The following MYO5C variants were observed in gnomAD, a reference collection of about 807,000 sequenced individuals.
MYO5C encodes the protein unconventional myosin-Vc.
Under a neutral mutation model 235.7 loss-of-function variants are expected in MYO5C, and 194 were observed. The ratio of observed to expected loss-of-function variants is 0.82; its 90% confidence interval spans 0.73 to 0.93. The LOEUF is 0.93. Ranked by LOEUF, MYO5C falls within the 40% of genes least tolerant of loss-of-function variation. MYO5C has a pLI of 0.00. For synonymous variants in MYO5C, 707 were observed against 754.8 expected, an observed-to-expected ratio of 0.94 and a Z score of 1.04; for missense variants, 2,038 against 2,127.2, an observed-to-expected ratio of 0.96 and a Z score of 0.82.
intron 1 of MYO5C, among the ~76,000 whole-genome samples, chr15:52,291,529 C>T (rs985375746): frequency 1.3e-5 from 2 of 151,532 alleles, no homozygotes; most frequent in Non-Finnish European, 2.9e-5. Context: ...CTCCCTTTCA[C>T]GGGTCATGTC....
chr15:52,206,992 G>T (rs949138913), intron 36 of MYO5C, among the ~76,000 whole-genome samples: 4 of 152,064 alleles, frequency 2.6e-5, no homozygotes, highest in African/African-American at 7.2e-5. Flanking sequence ...AATTAACCGG[G>T]CATGGTGGCG....
chr15:52,220,099 G>T (rs2035642979), intron 30 of MYO5C, among the ~76,000 whole-genome samples: 1 of 152,184 alleles, frequency 6.6e-6, no homozygotes, highest in African/African-American at 2.4e-5. Flanking sequence ...GCTGTCATGG[G>T]CTGCATGTGG....
intron 36 of MYO5C, 37 bp downstream of exon 36, chr15:52,208,517 G>T: frequency 6.3e-7 from 1 of 1,594,630 alleles, no homozygotes; most frequent in Non-Finnish European, 8.6e-7. Flanking sequence ...TAGACTGGCT[G>T]TCAGCACAAA....
intron 20 of MYO5C, 140 bp downstream of exon 20, chr15:52,241,908 G>C: frequency 1.0e-6 from 1 of 985,652 alleles, no homozygotes; most frequent in Non-Finnish European, 1.5e-6. Context: ...ACAGCACCTG[G>C]AAGAATCTCC....
chr15:52,260,493 C>T (rs894932438), intron 10 of MYO5C, among the ~76,000 whole-genome samples: 11 of 152,212 alleles, frequency 7.2e-5, no homozygotes, highest in Non-Finnish European at 1.6e-4. Context: ...GGTTCTCCCA[C>T]CAGCGGAGCA....
At chr15:52,221,073 A>T in intron 30 of MYO5C, 89 bp downstream of exon 30, 1 of 1,018,486 alleles carries the variant, frequency 9.8e-7, no homozygotes, top group Non-Finnish European at 1.5e-6. Flanking sequence ...ACCAGAGTTT[A>T]AAAGCCCTGA....
chr15:52,224,015 G>A (rs1210264045), intron 28 of MYO5C, among the ~76,000 whole-genome samples: 1 of 152,216 alleles, frequency 6.6e-6, no homozygotes, highest in Non-Finnish European at 1.5e-5. Flanking sequence ...AGACGCAGTG[G>A]CTCACACCTG....
At chr15:52,260,511 C>A (rs1178114104) in intron 10 of MYO5C, among the ~76,000 whole-genome samples, 1 of 152,124 alleles carries the variant, frequency 6.6e-6, no homozygotes, top group Non-Finnish European at 1.5e-5. Flanking sequence ...GCAATTGTGA[C>A]GAAGTTATTG....
At chr15:52,282,107 T>C (rs1049903474) in intron 2 of MYO5C, among the ~76,000 whole-genome samples, 1 of 152,068 alleles carries the variant, frequency 6.6e-6, no homozygotes, top group Non-Finnish European at 1.5e-5. Flanking sequence ...GCAGGGAAGC[T>C]CCTCAATAGC....
chr15:52,234,889 G>A (rs187232497), intron 23 of MYO5C, among the ~76,000 whole-genome samples: 1 of 152,276 alleles, frequency 6.6e-6, no homozygotes, highest in East Asian at 1.9e-4. Context: ...CCCCAGGCCT[G>A]AACCCTCGTG....
intron 13 of MYO5C, among the ~76,000 whole-genome samples, chr15:52,250,612 T>G (rs1239827736): frequency 6.6e-6 from 1 of 152,210 alleles, no homozygotes. Flanking sequence ...TCCAGGTTGC[T>G]GTCCCCTCCC....
chr15:52,286,267 G>A (rs951182711), intron 1 of MYO5C, among the ~76,000 whole-genome samples: 14 of 151,102 alleles, frequency 9.3e-5, no homozygotes, highest in African/African-American at 3.4e-4. Flanking sequence ...TGGGAGGGAG[G>A]TGGGGGTCAG....
At chr15:52,196,283 G>A (rs199858761) in intron 39 of MYO5C, 26 bp downstream of exon 39, 48 of 1,573,148 alleles carry the variant, frequency 3.1e-5, no homozygotes, top group Non-Finnish European at 4.0e-5. Context: ...GGAAGAGCCA[G>A]GGAGACACTA....
intron 38 of MYO5C, among the ~76,000 whole-genome samples, chr15:52,196,942 T>A (rs1208629061): frequency 6.6e-6 from 1 of 152,206 alleles, no homozygotes; most frequent in Non-Finnish European, 1.5e-5. Flanking sequence ...TTAAGAGGCA[T>A]GGGTTTTAGT....
chr15:52,253,204 A>G, intron 12 of MYO5C, 113 bp downstream of exon 12: 1 of 1,080,112 alleles, frequency 9.3e-7, no homozygotes, highest in Non-Finnish European at 1.3e-6. Context: ...TATCCATCCA[A>G]CCAACTGGAT....
intron 8 of MYO5C, among the ~76,000 whole-genome samples, chr15:52,266,603 C>T (rs1191350072): frequency 6.6e-6 from 1 of 152,150 alleles, no homozygotes; most frequent in Non-Finnish European, 1.5e-5. Context: ...CCGAAGGAAT[C>T]CTAGTATTGT....
rs991298074 is a variant in MYO5C at position 52,196,499 on chromosome 15, G to C, written c.4821-16C>G. The C allele has an allele frequency of 2.5e-6, 4 of 1,605,358 alleles. No individual in the cohort carries two copies. In the African/African-American group the frequency reaches 5.4e-5, roughly 22 times the overall value. On this transcript the variant is annotated splice_polypyrimidine_tract_variant and intron_variant, in intron 38 of 40. Coordinates refer to ENST00000261839, the MANE Select transcript of MYO5C (RefSeq NM_018728.4). ...GATATTGCACCTGGAGGGAAAGGCA[G>C]AAGAACAGAGAATACTTTAGGGAAG...
At chr15:52,213,461 C>A in intron 33 of MYO5C, 175 bp from the exon 34 acceptor site, 1 of 560,136 alleles carries the variant, frequency 1.8e-6, no homozygotes, top group South Asian at 2.1e-5. Context: ...GTAGTGATTC[C>A]TCTTTATGAG....
At chr15:52,244,268 T>C in intron 19 of MYO5C, 88 bp downstream of exon 19, 1 of 1,333,670 alleles carries the variant, frequency 7.5e-7, no homozygotes, top group East Asian at 2.3e-5. Context: ...AGGAGAAAGG[T>C]CCCTTGTCCT....
Sources: gnomAD v4.1 joint callset for allele counts (sites outside exome capture counted in the v4.1 genomes callset) on GRCh38, gnomAD v4.1.1 for gene constraint, MANE v1.5 for transcripts, NCBI Gene and HGNC (gene_info 2026-07-23, HGNC 2026-07-21) for gene names.